Variants in GNAS-AS1 observed in about 807,000 individuals in gnomAD.
GNAS-AS1 encodes GNAS antisense RNA 1 (non-protein coding).
chr20:58,820,398 C>T (rs2085478036), intron 4 of GNAS-AS1, among the ~76,000 whole-genome samples: 1 of 152,230 alleles, frequency 6.6e-6, no homozygotes, highest in Non-Finnish European at 1.5e-5. Flanking sequence ...GGCACCTGGA[C>T]ACCTACCCGA....
intron 1 of GNAS-AS1, among the ~76,000 whole-genome samples, chr20:58,849,819 C>A (rs1386228201): frequency 6.6e-6 from 1 of 152,218 alleles, no homozygotes; most frequent in Non-Finnish European, 1.5e-5. Context: ...TTGTGCATAA[C>A]CCCTTTCCTT....
At chr20:58,821,229 T>G (rs76076947) in intron 4 of GNAS-AS1, among the ~76,000 whole-genome samples, 8,565 of 152,218 alleles carry the variant, frequency 0.056, 360 homozygotes, top group African/African-American at 0.12. Context: ...CTACAGCTCA[T>G]GGCCAGCTCT....
intron 4 of GNAS-AS1, among the ~76,000 whole-genome samples, chr20:58,824,545 T>C (rs1350877142): frequency 1.3e-5 from 2 of 152,200 alleles, no homozygotes; most frequent in Admixed American, 1.3e-4. Flanking sequence ...CCCATGCCAC[T>C]GACCCATGGA....
At position 58,840,898 on chromosome 20, in the gene GNAS-AS1, A is replaced by T. The variant is rs1280589200; in HGVS notation, n.819+1039T>A. ...TTTCATGGATTCAGGTTAGTTGCCCACCGCTAAACTGGGGAGCCTGAGGGC... is the reference window on the plus strand; with the variant it reads ...TTTCATGGATTCAGGTTAGTTGCCCTCCGCTAAACTGGGGAGCCTGAGGGC... On this transcript the variant is annotated intron_variant and non_coding_transcript_variant, in intron 4 of 4. Coordinates refer to ENST00000424094, the Ensembl canonical transcript of GNAS-AS1. The surrounding 1 kb of genome is among the most constrained non-coding windows in gnomAD (Gnocchi z 6.0). The T allele has an allele frequency of 1.2e-6, 2 of 1,612,044 alleles. No individual in the cohort carries two copies. The highest frequency in any genetic ancestry group is 1.1e-5 in the South Asian group (1 of 90,950).
In GNAS-AS1 at chr20:58,840,615, GC is replaced by G; in HGVS notation, n.819+1321del. On this transcript the variant is annotated intron_variant and non_coding_transcript_variant, in intron 4 of 4. Coordinates refer to ENST00000424094, the Ensembl canonical transcript of GNAS-AS1. The surrounding 1 kb of genome is among the most constrained non-coding windows in gnomAD (Gnocchi z 6.0). Reference sequence around the variant, plus strand: ...CGTCTGCACGCTCTCAAGTTGCGAAGCCCCGACGCCTCCCCAAGTCGCGCGC... The same window carrying G: ...CGTCTGCACGCTCTCAAGTTGCGAAGCCCGACGCCTCCCCAAGTCGCGCGC... 1.2e-6 allele frequency: 2 copies of G among 1,608,324 alleles called. No individual in the cohort carries two copies. The highest frequency in any genetic ancestry group is 8.5e-7 in the Non-Finnish European group (1 of 1,178,070).
chr20:58,819,449 G>A (rs1185802058), intron 4 of GNAS-AS1, among the ~76,000 whole-genome samples: 1 of 152,228 alleles, frequency 6.6e-6, no homozygotes, highest in Non-Finnish European at 1.5e-5. Context: ...TCTTTAGGCT[G>A]TTGTTTATTG....
chr20:58,827,273 G>A (rs137872058), intron 4 of GNAS-AS1, among the ~76,000 whole-genome samples: 22 of 152,242 alleles, frequency 1.4e-4, no homozygotes, highest in African/African-American at 5.1e-4. Flanking sequence ...ACAGCTCCAT[G>A]CCCTCTCTCC....
chr20:58,838,754 T>A (rs961270298), intron 4 of GNAS-AS1: 15 of 357,426 alleles, frequency 4.2e-5, no homozygotes, highest in Non-Finnish European at 6.4e-5. Context: ...CCCTCTCTAC[T>A]AAAACTACAA....
At position 58,841,084 on chromosome 20, in the gene GNAS-AS1, C is replaced by T. The variant is rs1219507375; in HGVS notation, n.819+853G>A. 6.6e-6 allele frequency among the ~76,000 whole-genome samples: 1 copy of T among 152,036 alleles called. No individual in the cohort carries two copies. Among genetic ancestry groups the T allele is most frequent in the Non-Finnish European group, 1.5e-5 (1 of 67,990 alleles). ...CAGGATGCCAGGGGCGCCCTGGTGGCCAAAGGCTTGTTGGACGGCGGGGCG... is the reference window on the plus strand; with the variant it reads ...CAGGATGCCAGGGGCGCCCTGGTGGTCAAAGGCTTGTTGGACGGCGGGGCG... On this transcript the variant is annotated intron_variant and non_coding_transcript_variant, in intron 4 of 4. Coordinates refer to ENST00000424094, the Ensembl canonical transcript of GNAS-AS1. This position sits in a 1 kb window ranked among gnomAD's most constrained non-coding sequence, Gnocchi z 5.0.
intron 3 of GNAS-AS1, chr20:58,842,421 G>T (rs2085774548): frequency 5.0e-6 from 2 of 398,424 alleles, no homozygotes; most frequent in African/African-American, 4.1e-5. Flanking sequence ...GATGATGATA[G>T]AAGGAAAATA....
intron 4 of GNAS-AS1, chr20:58,826,114 G>A (rs1283856371): frequency 7.5e-6 from 3 of 398,648 alleles, no homozygotes; most frequent in Non-Finnish European, 1.3e-5. Flanking sequence ...GCTCTCAATG[G>A]GAGAACTTTC....
intron 2 of GNAS-AS1, among the ~76,000 whole-genome samples, chr20:58,845,075 G>T (rs1016272176): frequency 6.6e-6 from 1 of 152,026 alleles, no homozygotes; most frequent in Non-Finnish European, 1.5e-5. Flanking sequence ...CCTGACCTTG[G>T]TGTCTAAGAA....
At chr20:58,850,145 T>A (rs1450657993) in intron 1 of GNAS-AS1, among the ~76,000 whole-genome samples, 2 of 152,154 alleles carry the variant, frequency 1.3e-5, no homozygotes, top group African/African-American at 4.8e-5. Context: ...CCACCTTCTA[T>A]TCATAGCCAA....
chr20:58,836,309 TTTGGG>T (rs1469285009), intron 4 of GNAS-AS1: 1 of 152,200 alleles, frequency 6.6e-6, no homozygotes, highest in East Asian at 1.9e-4. Context: ...CAGATTCTTC[TTTGGG>T]TTGCGCTGAA....
At chr20:58,820,898 T>G (rs1245877178) in intron 4 of GNAS-AS1, among the ~76,000 whole-genome samples, 1 of 152,174 alleles carries the variant, frequency 6.6e-6, no homozygotes, top group African/African-American at 2.4e-5. Context: ...AGAGTTACAA[T>G]TCAAGATGAG....
chr20:58,825,775 C>G (rs961780301), intron 4 of GNAS-AS1, among the ~76,000 whole-genome samples: 2 of 152,230 alleles, frequency 1.3e-5, no homozygotes, highest in African/African-American at 4.8e-5. Context: ...TCATAACCCC[C>G]AGTCTGAACG....
intron 4 of GNAS-AS1, among the ~76,000 whole-genome samples, chr20:58,826,416 C>T (rs2085520702): frequency 6.6e-6 from 1 of 152,064 alleles, no homozygotes; most frequent in African/African-American, 2.4e-5. Context: ...TATGGTAACC[C>T]TAGTTATACA....
chr20:58,840,431 TACGAGACCGAGA>T lies in GNAS-AS1; in HGVS notation n.819+1494_819+1505del. The T allele has an allele frequency of 6.2e-7, 1 of 1,613,452 alleles. No homozygotes were observed. On this transcript the variant is annotated intron_variant and non_coding_transcript_variant, in intron 4 of 4. Coordinates refer to ENST00000424094, the Ensembl canonical transcript of GNAS-AS1. The surrounding 1 kb of genome is among the most constrained non-coding windows in gnomAD (Gnocchi z 6.0). Reference sequence around the variant, plus strand: ...CCTAGAGTACGAGGAAGAGTTCGACTACGAGACCGAGAGCGAGACCGAGTCCGAAATCGAGTC... The same window carrying T: ...CCTAGAGTACGAGGAAGAGTTCGACTGCGAGACCGAGTCCGAAATCGAGTC...
At chr20:58,830,091 C>A (rs1299306562) in intron 4 of GNAS-AS1, among the ~76,000 whole-genome samples, 4 of 151,894 alleles carry the variant, frequency 2.6e-5, no homozygotes, top group African/African-American at 4.8e-5. Context: ...CATGGCTGGG[C>A]TCCTCAAACT....
Sources: gnomAD v4.1 joint callset for allele counts (sites outside exome capture counted in the v4.1 genomes callset) on GRCh38, gnomAD v4.1.1 for gene constraint, Gnocchi (gnomAD v3.1) non-coding constraint, MANE v1.5 for transcripts, NCBI Gene and HGNC (gene_info 2026-07-23, HGNC 2026-07-21) for gene names.